CDH1: variants seen among roughly 807,000 people sequenced by gnomAD.
CDH1 encodes cadherin-1.
A neutral mutation model predicts 84.5 loss-of-function variants in CDH1; 35 were observed. The ratio of observed to expected loss-of-function variants is 0.41; its 90% CI spans 0.32 to 0.55. The LOEUF (loss-of-function observed/expected upper bound fraction) is 0.55, where lower values mean the gene tolerates loss of function less well. Among genes scored for constraint, CDH1 ranks in the 20% least tolerant of loss-of-function variants. The probability of loss-of-function intolerance (pLI) is 0.19; values close to 1 mark genes in which losing one functional copy is unlikely to be tolerated. For synonymous variants in CDH1, 417 were observed against 439.0 expected (o/e 0.95, Z 0.63); for missense variants, 994 against 1,126.6 (o/e 0.88, Z 1.68).
At chr16:68,770,739 G>A (rs1467945796) in intron 2 of CDH1, among the ~76,000 whole-genome samples, 1 of 151,502 alleles carries the variant, frequency 6.6e-6, no homozygotes, top group African/African-American at 2.4e-5. Flanking sequence ...CAGAGGAACA[G>A]CAAGGGCTGA....
At chr16:68,761,723 G>T (rs369060164) in intron 2 of CDH1, among the ~76,000 whole-genome samples, 2 of 152,292 alleles carry the variant, frequency 1.3e-5, no homozygotes, top group East Asian at 3.9e-4. Flanking sequence ...CAAGAGAGGT[G>T]AAGGATCAGG....
rs1203525339 is a variant in CDH1 at position 68,737,445 on chromosome 16, G to T, written c.30G>T (p.Ala10=). 2 of 1,465,844 alleles carry T rather than the reference G, an allele frequency of 1.4e-6. No individual in the cohort carries two copies. Among genetic ancestry groups the T allele is most frequent in the Non-Finnish European group, 1.8e-6 (2 of 1,089,590 alleles). 90.8% of individuals were successfully genotyped at this position (1,465,844 alleles called of 1,614,324 possible). The change falls in exon 1 of 16, where the codon GCG becomes GCT. Residue 10 remains alanine (A), a synonymous_variant. Transcript: ENST00000261769. MGPWSRSLS[A]LLLLLQVSSW... is the part of the protein sequence containing the mutation. ...GCCCTTGGAGCCGCAGCCTCTCGGCGCTGCTGCTGCTGCTGCAGGTACCCC... is the reference window on the plus strand; with the variant it reads ...GCCCTTGGAGCCGCAGCCTCTCGGCTCTGCTGCTGCTGCTGCAGGTACCCC...
At chr16:68,741,107 T>C (rs1380625496) in intron 2 of CDH1, among the ~76,000 whole-genome samples, 2 of 151,602 alleles carry the variant, frequency 1.3e-5, no homozygotes, top group East Asian at 3.9e-4. Context: ...ACTGGTGATT[T>C]AGTGGGAAGA....
chr16:68,820,639 C>T (rs549664547), intron 11 of CDH1, among the ~76,000 whole-genome samples: 8 of 152,252 alleles, frequency 5.3e-5, no homozygotes, highest in East Asian at 3.9e-4. Flanking sequence ...TGTGAGCCAC[C>T]GTGCCTGGCC....
intron 2 of CDH1, among the ~76,000 whole-genome samples, chr16:68,783,306 A>G (rs1208524158): frequency 6.6e-6 from 1 of 151,430 alleles, no homozygotes; most frequent in East Asian, 1.9e-4. Context: ...CTGAGGCACG[A>G]GAATCGCTTG....
At chr16:68,775,002 T>A (rs538601166) in intron 2 of CDH1, among the ~76,000 whole-genome samples, 1 of 152,118 alleles carries the variant, frequency 6.6e-6, no homozygotes, top group East Asian at 1.9e-4. Context: ...GGTGCGCACC[T>A]GTGGTCCCAG....
chr16:68,825,803 CTT>C (rs869187109), intron 13 of CDH1, among the ~76,000 whole-genome samples: 1,070 of 94,426 alleles, frequency 0.011, 16 homozygotes, highest in African/African-American at 0.047. Context: ...TAAAGGGAAT[CTT>C]TTTTTTTTTT....
chr16:68,753,565 CT>C (rs1041273909), intron 2 of CDH1, among the ~76,000 whole-genome samples: 29 of 151,996 alleles, frequency 1.9e-4, no homozygotes, highest in African/African-American at 7.0e-4. Context: ...TCTCAATATC[CT>C]GACCTCGTGA....
At chr16:68,798,772 T>G (rs1431748976) in intron 2 of CDH1, among the ~76,000 whole-genome samples, 1 of 152,166 alleles carries the variant, frequency 6.6e-6, no homozygotes, top group Admixed American at 6.6e-5. Context: ...CCATTACTTC[T>G]GCTGGGGGTG....
At chr16:68,811,311 T>G (rs1960818691) in intron 6 of CDH1, among the ~76,000 whole-genome samples, 1 of 149,938 alleles carries the variant, frequency 6.7e-6, no homozygotes, top group Non-Finnish European at 1.5e-5. Flanking sequence ...GCAGGAGAAT[T>G]GCTTGAACCC....
At chr16:68,818,239 C>CCA (rs1207067408) in intron 10 of CDH1, among the ~76,000 whole-genome samples, 8 of 83,574 alleles carry the variant, frequency 9.6e-5, no homozygotes, top group Admixed American at 2.8e-4. Context: ...GACTCTGTCC[C>CCA]AAAAAAAAAA....
intron 13 of CDH1, among the ~76,000 whole-genome samples, chr16:68,825,325 A>G (rs981866589): frequency 2.0e-5 from 3 of 152,188 alleles, no homozygotes; most frequent in Non-Finnish European, 4.4e-5. Flanking sequence ...TTCCCCTCCT[A>G]GCAAAGCACA....
At chr16:68,818,849 CAAAAA>C (rs758115524) in intron 10 of CDH1, among the ~76,000 whole-genome samples, 8 of 72,500 alleles carry the variant, frequency 1.1e-4, no homozygotes, top group Non-Finnish European at 2.3e-4. Context: ...GACTCCGTCT[CAAAAA>C]AAAAAAAAAA....
At chr16:68,802,045 C>CTA in intron 3 of CDH1, 152 bp downstream of exon 3, 1 of 726,220 alleles carries the variant, frequency 1.4e-6, no homozygotes, top group Non-Finnish European at 2.4e-6. Flanking sequence ...AGCAAGCATC[C>CTA]CTGGCCTTAA....
intron 13 of CDH1, among the ~76,000 whole-genome samples, chr16:68,827,272 A>AAAT (rs1364956665): frequency 6.6e-6 from 1 of 150,408 alleles, no homozygotes; most frequent in African/African-American, 2.5e-5. Context: ...CTCTGTCTCA[A>AAAT]AATAATAATA....
At chr16:68,801,364 C>A (rs1157748163) in intron 2 of CDH1, among the ~76,000 whole-genome samples, 2 of 152,144 alleles carry the variant, frequency 1.3e-5, no homozygotes, top group Non-Finnish European at 2.9e-5. Flanking sequence ...GATCTGCCCA[C>A]CTTGGCCTCC....
At chr16:68,817,570 C>G (rs1961016008) in intron 10 of CDH1, among the ~76,000 whole-genome samples, 1 of 152,142 alleles carries the variant, frequency 6.6e-6, no homozygotes, top group Non-Finnish European at 1.5e-5. Context: ...TCCAAGTGAT[C>G]AAAGTTATCA....
At chr16:68,813,060 G>A (rs1960882810) in intron 8 of CDH1, among the ~76,000 whole-genome samples, 1 of 151,882 alleles carries the variant, frequency 6.6e-6, no homozygotes, top group African/African-American at 2.4e-5. Context: ...CTTGAAGCTT[G>A]CTTTCAGTTA....
rs138134820 is a variant in CDH1 at position 68,770,609 on chromosome 16, T to C, written c.164-31061T>C. Reference sequence around the variant, plus strand: ...GCAGTGAAACGGGGTAGGGAGTGCCTGGGGTAGTGGTGCAGGGCCCCTTTA... The same window carrying C: ...GCAGTGAAACGGGGTAGGGAGTGCCCGGGGTAGTGGTGCAGGGCCCCTTTA... On this transcript the variant is annotated intron_variant, in intron 2 of 15. Coordinates refer to ENST00000261769, the MANE Select transcript of CDH1 (RefSeq NM_004360.5). Among the ~76,000 whole-genome samples, 6 of 151,708 alleles carry C rather than the reference T, an allele frequency of 4.0e-5. No individual in the cohort carries two copies. In the East Asian group the frequency reaches 1.2e-3, roughly 30 times the overall value.
Sources: allele counts gnomAD v4.1 joint callset (sites outside exome capture counted in the v4.1 genomes callset), GRCh38; gene constraint gnomAD v4.1.1; transcripts MANE v1.5; gene names NCBI Gene and HGNC (gene_info 2026-07-23, HGNC 2026-07-21).